Variants in CBLB observed in about 807,000 individuals in gnomAD.
CBLB encodes the protein E3 ubiquitin-protein ligase CBL-B.
CBLB carries 31 observed loss-of-function variants against 104.9 expected under a neutral mutation model. The observed-to-expected ratio is 0.30, with a 90% confidence interval of 0.22 to 0.40. The LOEUF (loss-of-function observed/expected upper bound fraction) is 0.40. CBLB is among the 10% of genes least tolerant of loss of function. The pLI, the probability that CBLB is intolerant of heterozygous loss-of-function variation, is 1.00. For missense variants in CBLB, 1,062 were observed against 1,214.6 expected (o/e 0.87, Z 1.87); for synonymous variants, 440 against 422.6 (o/e 1.04, Z -0.51).
chr3:105,670,750 C>T (rs1477686335), intron 17 of CBLB: 1 of 218,956 alleles, frequency 4.6e-6, no homozygotes, highest in Non-Finnish European at 9.1e-6. Flanking sequence ...GGTTTGGATC[C>T]TCCCTATAAG....
chr3:105,740,495 A>C lies in CBLB; in HGVS notation c.982T>G (p.Phe328Val), dbSNP rs757316753. 4.3e-6 allele frequency: 7 copies of C among 1,614,020 alleles called. No individual in the cohort carries two copies. The highest frequency in any genetic ancestry group is 3.4e-6 in the Non-Finnish European group (4 of 1,179,962). Residue 328 changes from phenylalanine (F) to valine (V), a missense_variant and splice_region_variant, in exon 7 of 19, where the codon TTT becomes GTT. This residue lies in a region of CBLB where 457 missense variants were observed against 632.0 expected (regional missense o/e 0.72). Transcript: ENST00000394030. ...QALIDGSREG[F>V]YLYPDGRSYN... ...CCAACTTCCATTTCTCATACTTACAATCCTTCCCTGCTGCCATCAATCAGG... is the reference window on the plus strand; with the variant it reads ...CCAACTTCCATTTCTCATACTTACACTCCTTCCCTGCTGCCATCAATCAGG...
chr3:105,687,737 T>C (rs1429029696), intron 13 of CBLB, among the ~76,000 whole-genome samples: 2 of 151,512 alleles, frequency 1.3e-5, no homozygotes, highest in African/African-American at 4.8e-5. Flanking sequence ...GGATTAGAAA[T>C]AAACCAAAAG....
Position 105,656,384 on chromosome 3 carries a change from CA to C in CBLB, c.*2585del, listed in dbSNP as rs1290784045. On this transcript the variant is annotated 3_prime_UTR_variant, in exon 19 of 19. Transcript: ENST00000394030. ...TGGATCACTTCCAGACATCAACGAG[CA>C]GTCGCTTTTACAATAAAAAAAAATT... 1 of 202,514 alleles carries C rather than the reference CA, an allele frequency of 4.9e-6. No homozygotes were observed. Among genetic ancestry groups the C allele is most frequent in the Non-Finnish European group, 1.0e-5 (1 of 98,748 alleles). The allele number at this position is 202,514 out of a possible 1,614,324, so 12.5% of individuals were successfully genotyped here. A position where few individuals can be genotyped will look rare whatever the true frequency, so the allele number is the denominator to read the frequency against.
In CBLB at chr3:105,776,449, A is replaced by G. The variant is rs1272882212; in HGVS notation, c.513T>C (p.Phe171=). The change falls in exon 4 of 19, where the codon TTT becomes TTC. Residue 171 remains phenylalanine (F), a synonymous_variant. Transcript: ENST00000394030. ...FPNGQFQGDN[F]RITKADAAEF... is the part of the protein sequence containing the mutation. The stretch of plus-strand genomic sequence containing the variant: ...CAGCAGCATCTGCTTTTGTGATACG[A>G]AAGTTATCTCCCTGGAATTGACCAT... 2 of 1,613,728 alleles carry G rather than the reference A, an allele frequency of 1.2e-6. No individual in the cohort carries two copies. Among genetic ancestry groups the G allele is most frequent in the East Asian group, 2.2e-5 (1 of 44,854 alleles).
rs772700667 is a variant in CBLB at position 105,746,017 on chromosome 3, T to G, written c.745A>C (p.Asn249His). ...TGTGTCACAGCTAAGAAATTCCAATTCCGCAAAATAGAGCCCCAAGGCTAA... is the reference window on the plus strand; with the variant it reads ...TGTGTCACAGCTAAGAAATTCCAATGCCGCAAAATAGAGCCCCAAGGCTAA... ...LFQPWGSILR[N>H]WNFLAVTHPG... Residue 249 changes from asparagine (N) to histidine (H), a missense_variant, in exon 6 of 19, where the codon AAT (asparagine) becomes CAT (histidine). Asn to His is a moderately conservative substitution (Grantham distance 68, BLOSUM62 1). This residue lies in a region of CBLB where 457 missense variants were observed against 632.0 expected (regional missense o/e 0.72). Coordinates refer to ENST00000394030, the MANE Select transcript of CBLB (RefSeq NM_170662.5). 1 of 1,607,436 alleles carries G rather than the reference T, an allele frequency of 6.2e-7. No homozygotes were observed. Among genetic ancestry groups the G allele is most frequent in the South Asian group, 1.1e-5 (1 of 90,936 alleles).
chr3:105,745,209 T>C (rs1291352322), intron 6 of CBLB, among the ~76,000 whole-genome samples: 1 of 152,220 alleles, frequency 6.6e-6, no homozygotes, highest in African/African-American at 2.4e-5. Context: ...ATGGGCCTAA[T>C]GCATTTTTAG....
chr3:105,851,863 A>T (rs927255313), intron 3 of CBLB, among the ~76,000 whole-genome samples: 1 of 152,212 alleles, frequency 6.6e-6, no homozygotes. Flanking sequence ...ATAAGATTAT[A>T]ATGGAACTGA....
intron 4 of CBLB, among the ~76,000 whole-genome samples, chr3:105,757,008 C>T (rs1049819719): frequency 3.9e-5 from 6 of 152,176 alleles, no homozygotes; most frequent in Non-Finnish European, 8.8e-5. Context: ...CTTGCTCCTG[C>T]TCTCACCACA....
intron 3 of CBLB, among the ~76,000 whole-genome samples, chr3:105,780,001 G>GCAC (rs2079984556): frequency 6.6e-6 from 1 of 151,550 alleles, no homozygotes; most frequent in Non-Finnish European, 1.5e-5. Context: ...TTACAGGTAT[G>GCAC]CACCACCATG....
chr3:105,801,905 C>A (rs1195902894), intron 3 of CBLB, among the ~76,000 whole-genome samples: 1 of 152,188 alleles, frequency 6.6e-6, no homozygotes, highest in East Asian at 1.9e-4. Context: ...CCTGAAAGAT[C>A]CACAGGATGG....
chr3:105,725,086 T>C (rs552599411), intron 9 of CBLB, among the ~76,000 whole-genome samples: 1 of 152,108 alleles, frequency 6.6e-6, no homozygotes, highest in Non-Finnish European at 1.5e-5. Flanking sequence ...ATGTAAAAAA[T>C]TTAAAACTAT....
chr3:105,809,180 G>T (rs2083925822), intron 3 of CBLB, among the ~76,000 whole-genome samples: 1 of 152,194 alleles, frequency 6.6e-6, no homozygotes, highest in African/African-American at 2.4e-5. Flanking sequence ...ACATAACTTT[G>T]GTTTTATTAT....
intron 3 of CBLB, among the ~76,000 whole-genome samples, chr3:105,798,400 C>T (rs950564260): frequency 6.6e-6 from 1 of 152,022 alleles, no homozygotes; most frequent in African/African-American, 2.4e-5. Flanking sequence ...CACATGAGGT[C>T]CAGCAATAAC....
intron 3 of CBLB, among the ~76,000 whole-genome samples, chr3:105,840,166 A>C (rs1430760212): frequency 1.3e-5 from 2 of 152,222 alleles, no homozygotes; most frequent in African/African-American, 4.8e-5. Flanking sequence ...CTTTATCATT[A>C]ATATAGTTCA....
chr3:105,799,177 C>A (rs9809805), intron 3 of CBLB, among the ~76,000 whole-genome samples: 21,655 of 68,436 alleles, frequency 0.32, 1,926 homozygotes, highest in Admixed American at 0.45. Context: ...TGACAAAGAA[C>A]AAAAAAAAAA....
At chr3:105,738,925 T>C (rs1271263165) in intron 7 of CBLB, among the ~76,000 whole-genome samples, 2 of 152,222 alleles carry the variant, frequency 1.3e-5, no homozygotes, top group Admixed American at 6.5e-5. Flanking sequence ...ATTATTATTT[T>C]TTCAGATAAG....
At chr3:105,790,838 A>G (rs560213235) in intron 3 of CBLB, among the ~76,000 whole-genome samples, 2 of 152,264 alleles carry the variant, frequency 1.3e-5, no homozygotes, top group East Asian at 3.9e-4. Context: ...TGTATTCAGG[A>G]AAGAGGCTGA....
rs972213284 is a variant in CBLB at position 105,807,681 on chromosome 3, G to T, written c.420-31139C>A. ...AATTTATTTTTAAAAGTCCTTATTT[G>T]CTTTAAAGAAAAAAAAGCAAAACAA... On this transcript the variant is annotated intron_variant, in intron 3 of 18. Coordinates refer to ENST00000394030, the MANE Select transcript of CBLB (RefSeq NM_170662.5). Among the ~76,000 whole-genome samples the T allele has an allele frequency of 4.6e-5, 7 of 151,798 alleles. 1 individual carries two copies. The highest frequency in any genetic ancestry group is 1.7e-4 in the African/African-American group (7 of 41,326).
intron 8 of CBLB, among the ~76,000 whole-genome samples, chr3:105,735,678 T>C (rs1376864446): frequency 1.3e-5 from 2 of 152,260 alleles, no homozygotes; most frequent in East Asian, 3.9e-4. Context: ...TGGCCGGGCA[T>C]GGTGGCTCAC....
Sources: allele counts gnomAD v4.1 joint callset (sites outside exome capture counted in the v4.1 genomes callset), GRCh38; gene constraint gnomAD v4.1.1; regional missense constraint gnomAD v4.1.1; transcripts MANE v1.5; gene names NCBI Gene and HGNC (gene_info 2026-07-23, HGNC 2026-07-21).